UBE2E2: variants seen among roughly 807,000 people sequenced by gnomAD.
UBE2E2 encodes ubiquitin-conjugating enzyme E2 E2.
UBE2E2 carries 6 observed loss-of-function variants against 24.7 expected under a neutral mutation model. The observed-to-expected ratio is 0.24, with a 90% confidence interval of 0.13 to 0.48. The LOEUF (loss-of-function observed/expected upper bound fraction) is 0.48. Among genes scored for constraint, UBE2E2 ranks in the 20% least tolerant of loss-of-function variants. The pLI, the probability that UBE2E2 is intolerant of heterozygous loss-of-function variation, is 0.99. For synonymous variants in UBE2E2, 104 were observed against 83.6 expected (o/e 1.24, Z -1.33); for missense variants, 169 against 245.0 (o/e 0.69, Z 2.07).
intron 3 of UBE2E2, among the ~76,000 whole-genome samples, chr3:23,245,295 CAT>C (rs1227361284): frequency 5.9e-5 from 9 of 152,124 alleles, no homozygotes; most frequent in Non-Finnish European, 8.8e-5. Flanking sequence ...ATTGAGTTCT[CAT>C]ATGTGGTAAA....
At chr3:23,241,977 A>G (rs550746981) in intron 3 of UBE2E2, among the ~76,000 whole-genome samples, 1 of 152,300 alleles carries the variant, frequency 6.6e-6, no homozygotes, top group Admixed American at 6.5e-5. Flanking sequence ...TGGCATGATC[A>G]TAGCTCACTG....
At chr3:23,216,881 A>T (rs891502873) in intron 2 of UBE2E2, among the ~76,000 whole-genome samples, 1 of 152,136 alleles carries the variant, frequency 6.6e-6, no homozygotes, top group Non-Finnish European at 1.5e-5. Flanking sequence ...ATCAGTCATG[A>T]TGCTTGGATT....
intron 3 of UBE2E2, among the ~76,000 whole-genome samples, chr3:23,234,379 G>A (rs1431848026): frequency 6.6e-6 from 1 of 152,044 alleles, no homozygotes; most frequent in African/African-American, 2.4e-5. Context: ...TTTTCTGTGT[G>A]GAAGGTAGTC....
intron 3 of UBE2E2, among the ~76,000 whole-genome samples, chr3:23,470,576 T>C (rs1699013206): frequency 6.6e-6 from 1 of 152,254 alleles, no homozygotes; most frequent in Non-Finnish European, 1.5e-5. Context: ...GTTGATCATT[T>C]CTGAGATTAC....
At chr3:23,399,023 A>G (rs901069270) in intron 3 of UBE2E2, among the ~76,000 whole-genome samples, 1 of 152,136 alleles carries the variant, frequency 6.6e-6, no homozygotes, top group African/African-American at 2.4e-5. Context: ...ATAGTACCAA[A>G]CTTCATTGCT....
chr3:23,287,406 TG>T (rs1368961797), intron 3 of UBE2E2, among the ~76,000 whole-genome samples: 1 of 152,190 alleles, frequency 6.6e-6, no homozygotes, highest in Non-Finnish European at 1.5e-5. Context: ...TGCCTTTATC[TG>T]GTTTTGACAT....
chr3:23,291,505 A>AATGCAGAGAC (rs1698763997), intron 3 of UBE2E2, among the ~76,000 whole-genome samples: 1 of 152,184 alleles, frequency 6.6e-6, no homozygotes. Context: ...GGTTTAATAA[A>AATGCAGAGAC]ATGCAGAGAC....
At chr3:23,522,825 C>T (rs1281088089) in intron 4 of UBE2E2, among the ~76,000 whole-genome samples, 2 of 151,854 alleles carry the variant, frequency 1.3e-5, no homozygotes, top group Admixed American at 1.3e-4. Flanking sequence ...CTAGTGTTAC[C>T]TGAGGCCCAT....
chr3:23,543,779 G>A (rs1264535812), intron 5 of UBE2E2, among the ~76,000 whole-genome samples: 2 of 152,058 alleles, frequency 1.3e-5, no homozygotes, highest in African/African-American at 2.4e-5. Flanking sequence ...TAAGCAAAAA[G>A]AACAAAGCTA....
intron 3 of UBE2E2, among the ~76,000 whole-genome samples, chr3:23,369,581 A>C (rs895443912): frequency 6.6e-6 from 1 of 152,136 alleles, no homozygotes; most frequent in African/African-American, 2.4e-5. Flanking sequence ...AGAACTACCA[A>C]ACCTGCTGAG....
chr3:23,365,238 A>G (rs1453293531), intron 3 of UBE2E2, among the ~76,000 whole-genome samples: 1 of 152,114 alleles, frequency 6.6e-6, no homozygotes, highest in Non-Finnish European at 1.5e-5. Context: ...AACTCTCACC[A>G]CTCATACTTA....
At chr3:23,222,845 A>G (rs1301711466) in intron 3 of UBE2E2, among the ~76,000 whole-genome samples, 2 of 152,140 alleles carry the variant, frequency 1.3e-5, no homozygotes, top group African/African-American at 4.8e-5. Context: ...ACAGTGTACG[A>G]GCCTTCCCCT....
chr3:23,247,269 T>C (rs375008958), intron 3 of UBE2E2, among the ~76,000 whole-genome samples: 2 of 152,350 alleles, frequency 1.3e-5, no homozygotes, highest in African/African-American at 4.8e-5. Flanking sequence ...GGTTTCATAT[T>C]GTTCTGGTAC....
intron 3 of UBE2E2, among the ~76,000 whole-genome samples, chr3:23,433,632 A>G (rs1187736348): frequency 1.3e-5 from 2 of 151,998 alleles, no homozygotes; most frequent in Non-Finnish European, 2.9e-5. Flanking sequence ...AGGATCAAGA[A>G]AACAGCTTGT....
intron 4 of UBE2E2, among the ~76,000 whole-genome samples, chr3:23,511,980 G>T (rs1694604182): frequency 6.6e-6 from 1 of 152,028 alleles, no homozygotes; most frequent in African/African-American, 2.4e-5. Context: ...TGAGCCTTTG[G>T]TTTCAGTTTT....
chr3:23,247,762 C>G (rs889665712), intron 3 of UBE2E2, among the ~76,000 whole-genome samples: 7 of 152,184 alleles, frequency 4.6e-5, no homozygotes, highest in Non-Finnish European at 8.8e-5. Flanking sequence ...GCACTTTCCA[C>G]TGCCACTCTA....
intron 2 of UBE2E2, among the ~76,000 whole-genome samples, chr3:23,215,992 G>A (rs555597980): frequency 1.3e-5 from 2 of 152,258 alleles, no homozygotes; most frequent in Admixed American, 6.5e-5. Flanking sequence ...GGAAGTTACA[G>A]TGTGTTAAAA....
At chr3:23,466,445 T>C (rs1698920431) in intron 3 of UBE2E2, among the ~76,000 whole-genome samples, 1 of 152,218 alleles carries the variant, frequency 6.6e-6, no homozygotes, top group South Asian at 2.1e-4. Flanking sequence ...GGCTATTACT[T>C]TTGTTATAGT....
At chr3:23,404,380 T>A (rs2125374642) in intron 3 of UBE2E2, among the ~76,000 whole-genome samples, 1 of 152,336 alleles carries the variant, frequency 6.6e-6, no homozygotes, top group South Asian at 2.1e-4. Flanking sequence ...AATGTCCAAG[T>A]CAATGGAGTG....
Sources: gnomAD v4.1 joint callset for allele counts (sites outside exome capture counted in the v4.1 genomes callset) on GRCh38, gnomAD v4.1.1 for gene constraint, MANE v1.5 for transcripts, NCBI Gene and HGNC (gene_info 2026-07-23, HGNC 2026-07-21) for gene names.